MNS1: variants seen among roughly 807,000 people sequenced by gnomAD.
MNS1 encodes meiosis specific nuclear structural 1.
Under a neutral mutation model 72.0 loss-of-function variants are expected in MNS1, and 63 were observed. That is an observed-to-expected ratio of 0.87 (90% CI 0.71 to 1.08). The LOEUF (loss-of-function observed/expected upper bound fraction) is 1.08, where lower values mean the gene tolerates loss of function less well. Ranked by LOEUF, MNS1 falls within the 50% of genes least tolerant of loss-of-function variation. The pLI is 0.00. For missense variants in MNS1, 604 were observed against 562.4 expected (o/e 1.07, Z -0.75); for synonymous variants, 188 against 172.1 (o/e 1.09, Z -0.72).
At chr15:56,437,520 G>A (rs1596257014) in intron 7 of MNS1, among the ~76,000 whole-genome samples, 1 of 152,234 alleles carries the variant, frequency 6.6e-6, no homozygotes, top group Admixed American at 6.5e-5. Flanking sequence ...TACTGAATGG[G>A]CAAAAACTGG....
At chr15:56,460,009 A>ACATAT (rs1555449667) in intron 2 of MNS1, among the ~76,000 whole-genome samples, 1 of 26,406 alleles carries the variant, frequency 3.8e-5, no homozygotes, top group Non-Finnish European at 7.0e-5. Flanking sequence ...AAAAAAAAAA[A>ACATAT]ATACATATAT....
Position 56,446,947 on chromosome 15 carries a change from T to C in MNS1, c.354-4A>G. 1 of 1,599,178 alleles carries C rather than the reference T, an allele frequency of 6.3e-7. No homozygotes were observed. The highest frequency in any genetic ancestry group is 8.5e-7 in the Non-Finnish European group (1 of 1,173,504). Reference sequence around the variant, plus strand: ...CTCCAATTCTCTAAGCTCAATGCTGTTTAAAAAAACAAAAACAAATTTAAA... The same window carrying C: ...CTCCAATTCTCTAAGCTCAATGCTGCTTAAAAAAACAAAAACAAATTTAAA... On this transcript the variant is annotated splice_polypyrimidine_tract_variant and splice_region_variant and intron_variant, in intron 3 of 9. Coordinates refer to ENST00000260453, the MANE Select transcript of MNS1 (RefSeq NM_018365.4).
Position 56,460,009 on chromosome 15 carries a change from A to AAAAAAAAAAAAAAAAAAATATATATATAT in MNS1, c.226-3489_226-3488insATATATATATATTTTTTTTTTTTTTTTTT. Reference sequence around the variant, plus strand: ...CTGTCTCAAAAAAAAAAAAAAAAAAAATACATATATATATATATATATATA... The same window carrying AAAAAAAAAAAAAAAAAAATATATATATAT: ...CTGTCTCAAAAAAAAAAAAAAAAAAAAAAAAAAAAAAAAAAAAATATATATATATATACATATATATATATATATATATA... On this transcript the variant is annotated intron_variant, in intron 2 of 9. Coordinates refer to ENST00000260453, the MANE Select transcript of MNS1 (RefSeq NM_018365.4). Among the ~76,000 whole-genome samples the AAAAAAAAAAAAAAAAAAATATATATATAT allele has an allele frequency of 7.6e-5, 2 of 26,388 alleles. 1 individual carries two copies. The highest frequency in any genetic ancestry group is 1.4e-4 in the Non-Finnish European group (2 of 14,310). 17.3% of individuals were successfully genotyped at this position (26,388 alleles called of 152,430 possible).
At chr15:56,434,876 C>T (rs2050693522) in intron 7 of MNS1, among the ~76,000 whole-genome samples, 1 of 152,056 alleles carries the variant, frequency 6.6e-6, no homozygotes, top group African/African-American at 2.4e-5. Flanking sequence ...CCAAAATTCT[C>T]TAAAATTTAA....
chr15:56,456,535 T>C lies in MNS1; in HGVS notation c.226-14A>G. The C allele has an allele frequency of 6.2e-7, 1 of 1,605,356 alleles. No individual in the cohort carries two copies. The highest frequency in any genetic ancestry group is 8.5e-7 in the Non-Finnish European group (1 of 1,177,920). On this transcript the variant is annotated splice_polypyrimidine_tract_variant and intron_variant, in intron 2 of 9. Coordinates refer to ENST00000260453, the MANE Select transcript of MNS1 (RefSeq NM_018365.4). ...GTTTTCTTCTGCCTGAACGAAAAAT[T>C]TAACTTCGTTGTTTGTCCTCTAGAA...
intron 7 of MNS1, among the ~76,000 whole-genome samples, chr15:56,441,615 AACAG>A (rs1431265015): frequency 6.6e-6 from 1 of 152,236 alleles, no homozygotes; most frequent in East Asian, 1.9e-4. Context: ...CAACAGAATA[AACAG>A]ACAACCTACA....
intron 2 of MNS1, among the ~76,000 whole-genome samples, chr15:56,458,390 C>T (rs1205854541): frequency 6.6e-6 from 1 of 152,164 alleles, no homozygotes; most frequent in Non-Finnish European, 1.5e-5. Flanking sequence ...GCTTCCCCTT[C>T]TATCAGCCTC....
chr15:56,445,206 C>CT (rs1489208758), intron 4 of MNS1, among the ~76,000 whole-genome samples: 4 of 151,982 alleles, frequency 2.6e-5, no homozygotes, highest in African/African-American at 9.7e-5. Context: ...ATTAAAGGCC[C>CT]TTTATCTGAA....
intron 2 of MNS1, among the ~76,000 whole-genome samples, chr15:56,461,966 TTTG>T (rs796965481): frequency 3.1e-4 from 24 of 78,242 alleles, no homozygotes; most frequent in East Asian, 1.2e-3. Context: ...AAAGTGTTTT[TTTG>T]TTGTTGTTTT....
chr15:56,457,087 T>G (rs776998483), intron 2 of MNS1, among the ~76,000 whole-genome samples: 2 of 152,164 alleles, frequency 1.3e-5, no homozygotes, highest in Non-Finnish European at 2.9e-5. Context: ...TGCATCTAAT[T>G]ATTATTTTTC....
chr15:56,461,986 T>TTTTG (rs1567155348), intron 2 of MNS1, among the ~76,000 whole-genome samples: 37 of 136,010 alleles, frequency 2.7e-4, no homozygotes, highest in Admixed American at 5.9e-4. Context: ...TTTTTTTTTT[T>TTTTG]TTTTTTTTTT....
chr15:56,458,782 T>C (rs2050997486), intron 2 of MNS1, among the ~76,000 whole-genome samples: 2 of 152,006 alleles, frequency 1.3e-5, no homozygotes, highest in African/African-American at 4.8e-5. Context: ...CATGGCTTCA[T>C]AGCTCATTTC....
intron 2 of MNS1, among the ~76,000 whole-genome samples, chr15:56,462,244 T>C (rs2051028300): frequency 6.6e-6 from 1 of 152,194 alleles, no homozygotes; most frequent in Admixed American, 6.5e-5. Flanking sequence ...AATCAGTTTT[T>C]GTAACCACTA....
rs111239044 is a variant in MNS1 at position 56,430,299 on chromosome 15, C to T, written c.1395+1074G>A. Among the ~76,000 whole-genome samples, 415 of 152,260 alleles carry T rather than the reference C, an allele frequency of 2.7e-3. 1 individual carries two copies. The highest frequency in any genetic ancestry group is 4.9e-3 in the Non-Finnish European group (331 of 68,000). On this transcript the variant is annotated intron_variant, in intron 9 of 9. Coordinates refer to ENST00000260453, the MANE Select transcript of MNS1 (RefSeq NM_018365.4). Reference sequence around the variant, plus strand: ...ATGGGTCACTGCAGCTTCAACTTTCCAGGCTCAAGCAATCTTCCAACCTCA... The same window carrying T: ...ATGGGTCACTGCAGCTTCAACTTTCTAGGCTCAAGCAATCTTCCAACCTCA...
Position 56,456,425 on chromosome 15 carries a change from C to T in MNS1, c.322G>A (p.Glu108Lys), listed in dbSNP as rs766226505. The change falls in exon 3 of 10, where the codon GAA becomes AAA. Residue 108 changes from glutamate to lysine, a missense_variant. Transcript: ENST00000260453. ...AKLKHESLKD[E>K]KMRQQVRENS... ...TCTCTTACTTGTTGCCTCATCTTTT[C>T]GTCCTTTAGACTTTCATGTTTCAGT... is the stretch of plus-strand genomic sequence containing the variant. The T allele has an allele frequency of 3.1e-6, 5 of 1,610,600 alleles. No homozygotes were observed. The highest frequency in any genetic ancestry group is 2.2e-5 in the East Asian group (1 of 44,612).
intron 2 of MNS1, among the ~76,000 whole-genome samples, chr15:56,459,990 C>CAAAAAAAAAAAAAAAAAA (rs150132300): frequency 4.5e-4 from 5 of 11,114 alleles, no homozygotes; most frequent in African/African-American, 1.8e-3. Flanking sequence ...AATTCTGTCT[C>CAAAAAAAAAAAAAAAAAA]AAAAAAAAAA....
intron 7 of MNS1, among the ~76,000 whole-genome samples, chr15:56,438,774 A>C (rs989778216): frequency 1.4e-4 from 22 of 151,938 alleles, no homozygotes; most frequent in African/African-American, 5.3e-4. Context: ...CCAGAATCTA[A>C]AAAGAACTCA....
intron 3 of MNS1, among the ~76,000 whole-genome samples, chr15:56,452,499 AT>A (rs1403708925): frequency 3.3e-5 from 5 of 150,184 alleles, no homozygotes; most frequent in African/African-American, 7.3e-5. Flanking sequence ...AGTATAATCC[AT>A]ATTGTTTTGT....
chr15:56,437,247 C>T (rs182719275), intron 7 of MNS1, among the ~76,000 whole-genome samples: 1 of 152,150 alleles, frequency 6.6e-6, no homozygotes. Flanking sequence ...TCCAGCAGCA[C>T]ATCAAAAAGC....
Sources: gnomAD v4.1 joint callset for allele counts (sites outside exome capture counted in the v4.1 genomes callset) on GRCh38, gnomAD v4.1.1 for gene constraint, MANE v1.5 for transcripts, NCBI Gene and HGNC (gene_info 2026-07-23, HGNC 2026-07-21) for gene names.